PTPRF: variants seen among roughly 807,000 people sequenced by gnomAD.
The protein encoded by PTPRF is receptor-type tyrosine-protein phosphatase F.
In PTPRF, 59 loss-of-function variants were observed where a neutral mutation model predicts 201.8. The observed-to-expected ratio is 0.29, with a 90% CI of 0.24 to 0.36. PTPRF has a LOEUF of 0.36. PTPRF is among the 10% of genes least tolerant of loss of function. PTPRF has a pLI of 1.00. For missense variants in PTPRF, 2,132 were observed against 2,690.5 expected, an observed-to-expected ratio of 0.79 and a Z score of 4.59; for synonymous variants, 1,088 against 1,089.7, an observed-to-expected ratio of 1.00 and a Z score of 0.03.
chr1:43,619,876 T>TGG lies in PTPRF; in HGVS notation c.5111+19_5111+20insGG, dbSNP rs750816414. 42 of 1,611,324 alleles carry TGG rather than the reference T, an allele frequency of 2.6e-5. No individual in the cohort carries two copies. The highest frequency in any genetic ancestry group is 3.6e-5 in the Non-Finnish European group (42 of 1,178,392). ...GGTTATAGGTCAGCATGCATGTCAC[T>TGG]GCCCCACCATGCCCTACAGGGGCCT... is the stretch of plus-strand genomic sequence containing the variant. On this transcript the variant is annotated intron_variant, in intron 29 of 33. Transcript: ENST00000359947.
chr1:43,553,712 T>A lies in PTPRF; in HGVS notation c.237+75T>A. The A allele has an allele frequency of 6.2e-7, 1 of 1,608,902 alleles. No homozygotes were observed. Reference sequence around the variant, plus strand: ...TCTCTCCTTTCAGTGTCCCTCCTCATGGACCTTTTGGAGGTGGGAGGACAA... The same window carrying A: ...TCTCTCCTTTCAGTGTCCCTCCTCAAGGACCTTTTGGAGGTGGGAGGACAA... On this transcript the variant is annotated intron_variant, in intron 4 of 33. Coordinates refer to ENST00000359947, the MANE Select transcript of PTPRF (RefSeq NM_002840.5). The surrounding 1 kb of genome is among the most constrained non-coding windows in gnomAD (Gnocchi z 4.1).
chr1:43,591,768 C>A, intron 9 of PTPRF, 44 bp from the exon 10 acceptor site: 4 of 1,608,320 alleles, frequency 2.5e-6, no homozygotes, highest in Non-Finnish European at 3.4e-6. Context: ...GCACCCCTGA[C>A]CTCACGCAGA....
intron 6 of PTPRF, among the ~76,000 whole-genome samples, chr1:43,575,200 C>T (rs745670314): frequency 6.6e-6 from 1 of 152,158 alleles, no homozygotes; most frequent in African/African-American, 2.4e-5. Flanking sequence ...GGAGGGTGAA[C>T]GCCTGGCCCT....
At chr1:43,571,640 T>C (rs1646576917) in intron 6 of PTPRF, among the ~76,000 whole-genome samples, 1 of 152,244 alleles carries the variant, frequency 6.6e-6, no homozygotes, top group African/African-American at 2.4e-5. Context: ...CCCCTCCTGC[T>C]GCGTCAGTCC....
intron 2 of PTPRF, among the ~76,000 whole-genome samples, chr1:43,540,718 T>C (rs539523608): frequency 1.3e-5 from 2 of 152,304 alleles, no homozygotes; most frequent in Admixed American, 6.5e-5. Flanking sequence ...GGAGCCCCGA[T>C]ACCAGCCGTG....
rs1279535291 is a variant in PTPRF at position 43,547,063 on chromosome 1, G to A, written c.91+1897G>A. The stretch of plus-strand genomic sequence containing the variant: ...TGTCACAAGGTGAAAACATCATCCT[G>A]TCACTCTTCAGTTTAGAATCCTTCA... On this transcript the variant is annotated intron_variant, in intron 3 of 33. Coordinates refer to ENST00000359947, the MANE Select transcript of PTPRF (RefSeq NM_002840.5). Among the ~76,000 whole-genome samples the A allele has an allele frequency of 2.0e-5, 3 of 152,178 alleles. No homozygotes were observed. In the East Asian group the frequency reaches 5.8e-4, roughly 30 times the overall value.
intron 7 of PTPRF, chr1:43,582,743 T>A (rs1328073127): frequency 1.3e-5 from 2 of 152,452 alleles, no homozygotes; most frequent in African/African-American, 4.8e-5. Flanking sequence ...ACAGGGTCTG[T>A]CTGAGCTGTG....
intron 7 of PTPRF, 62 bp downstream of exon 7, chr1:43,578,982 C>G: frequency 1.3e-6 from 2 of 1,500,522 alleles, no homozygotes; most frequent in Non-Finnish European, 1.9e-6. Flanking sequence ...CTGCCGGGCT[C>G]TCTGCCCAGA....
chr1:43,618,585 G>C, intron 25 of PTPRF, 45 bp from the exon 26 acceptor site: 1 of 1,575,970 alleles, frequency 6.3e-7, no homozygotes, highest in Non-Finnish European at 8.7e-7. Context: ...CTGCCCGTCT[G>C]AGCCTGTGGG....
chr1:43,609,393 C>T lies in PTPRF; in HGVS notation c.3868C>T (p.His1290Tyr). The T allele has an allele frequency of 6.2e-7, 1 of 1,613,826 alleles. No individual in the cohort carries two copies. Among genetic ancestry groups the T allele is most frequent in the Non-Finnish European group, 8.5e-7 (1 of 1,179,814 alleles). The change falls in exon 22 of 34, where the codon CAC (histidine) becomes TAC (tyrosine). Residue 1290 changes from histidine (H) to tyrosine (Y), a missense_variant. Physicochemically the swap from His to Tyr is moderately conservative, Grantham distance 83. Coordinates refer to ENST00000359947, the MANE Select transcript of PTPRF (RefSeq NM_002840.5). ...CTTCTGTCTCTCTAGGAAAAGGACC[C>T]ACTCTCCGTCCTCTAAGGATGAGCA... is the stretch of plus-strand genomic sequence containing the variant. ...AILLFKRKRT[H>Y]SPSSKDEQSI...
intron 22 of PTPRF, chr1:43,612,739 C>CGTTT (rs543852195): frequency 5.9e-6 from 8 of 1,358,218 alleles, no homozygotes; most frequent in East Asian, 4.6e-5. Flanking sequence ...TTGTTTTTTT[C>CGTTT]GTTTGTTTGT....
In PTPRF at chr1:43,604,896, T is replaced by G. The variant is rs1338882079; in HGVS notation, c.3038-7T>G. The G allele has an allele frequency of 4.3e-6, 7 of 1,613,356 alleles. No individual in the cohort carries two copies. In the African/African-American group the frequency reaches 6.7e-5, roughly 15 times the overall value. On this transcript the variant is annotated splice_polypyrimidine_tract_variant and splice_region_variant and intron_variant, in intron 16 of 33. Transcript: ENST00000359947. ...CAGCAGAGCTGACTCTCTCTATGCC[T>G]TTGCAGTGTTTGCCAAGAACTTCCG...
intron 5 of PTPRF, among the ~76,000 whole-genome samples, chr1:43,564,091 T>C (rs1005577417): frequency 6.6e-6 from 1 of 152,186 alleles, no homozygotes; most frequent in Non-Finnish European, 1.5e-5. Flanking sequence ...ATCTGAGTGC[T>C]GGAAGAGGTG....
intron 23 of PTPRF, among the ~76,000 whole-genome samples, chr1:43,617,006 G>GAGGGGCC (rs1482157593): frequency 6.6e-6 from 1 of 152,150 alleles, no homozygotes; most frequent in Non-Finnish European, 1.5e-5. Context: ...GACTACCTGA[G>GAGGGGCC]AGGGGCCACC....
chr1:43,541,432 G>A (rs944669063), intron 2 of PTPRF, among the ~76,000 whole-genome samples: 1 of 152,160 alleles, frequency 6.6e-6, no homozygotes, highest in Non-Finnish European at 1.5e-5. Flanking sequence ...TTTGCAACGT[G>A]AATCTTCTGT....
chr1:43,620,186 A>G lies in PTPRF; in HGVS notation c.5203A>G (p.Ile1735Val), dbSNP rs773899805. Residue 1735 changes from isoleucine (I) to valine (V), a missense_variant, in exon 30 of 34, where the codon ATC becomes GTC. Physicochemically the swap from Ile to Val is conservative, Grantham distance 29. Transcript: ENST00000359947. ...RMLWEHNSTI[I>V]VMLTKLREMG... ...GCTATGGGAGCACAATTCCACCATC[A>G]TCGTCATGCTGACCAAGCTTCGGGA... 3 of 1,614,058 alleles carry G rather than the reference A, an allele frequency of 1.9e-6. No individual in the cohort carries two copies. The highest frequency in any genetic ancestry group is 1.7e-6 in the Non-Finnish European group (2 of 1,179,948).
At position 43,620,547 on chromosome 1, in the gene PTPRF, A is replaced by G. The variant is rs1658964811; in HGVS notation, c.5332A>G (p.Ile1778Val). 3 of 1,614,100 alleles carry G rather than the reference A, an allele frequency of 1.9e-6. No individual in the cohort carries two copies. Among genetic ancestry groups the G allele is most frequent in the Non-Finnish European group, 2.5e-6 (3 of 1,180,004 alleles). The change falls in exon 31 of 34, where the codon ATC becomes GTC. Residue 1778 changes from isoleucine to valine, a missense_variant. By Grantham distance (29) the Ile-to-Val change is conservative. Transcript: ENST00000359947. ...GGCTGAGTACAACATGCCCCAGTAT[A>G]TCCTGCGTGAGTTCAAGGTCACGGA... ...PMAEYNMPQY[I>V]LREFKVTDAR... is the part of the protein sequence containing the mutation.
chr1:43,568,337 A>G (rs1395278575), intron 5 of PTPRF, among the ~76,000 whole-genome samples: 1 of 151,650 alleles, frequency 6.6e-6, no homozygotes, highest in Non-Finnish European at 1.5e-5. Context: ...GTTTGGTCCT[A>G]GTGGGAAGGG....
chr1:43,557,785 C>T (rs886654702), intron 5 of PTPRF, among the ~76,000 whole-genome samples: 29 of 152,230 alleles, frequency 1.9e-4, no homozygotes, highest in African/African-American at 6.5e-4. Flanking sequence ...GTCCATGCTC[C>T]GGGGAAGGGT....
Sources: gnomAD v4.1 joint callset for allele counts (sites outside exome capture counted in the v4.1 genomes callset) on GRCh38, gnomAD v4.1.1 for gene constraint, Gnocchi (gnomAD v3.1) non-coding constraint, MANE v1.5 for transcripts, NCBI Gene and HGNC (gene_info 2026-07-23, HGNC 2026-07-21) for gene names.